GSE1: variants seen among roughly 807,000 people sequenced by gnomAD.
GSE1 encodes genetic suppressor element 1.
A neutral mutation model predicts 112.6 loss-of-function variants in GSE1; 32 were observed. The observed-to-expected ratio is 0.28, with a 90% CI of 0.21 to 0.38. The LOEUF (loss-of-function observed/expected upper bound fraction) is 0.38, where lower values mean the gene tolerates loss of function less well. GSE1 is among the 10% of genes least tolerant of loss of function. The pLI, the probability that GSE1 is intolerant of heterozygous loss-of-function variation, is 1.00. For synonymous variants in GSE1, 1,115 were observed against 735.6 expected, an observed-to-expected ratio of 1.52 and a Z score of -8.35; for missense variants, 2,348 against 1,699.2, an observed-to-expected ratio of 1.38 and a Z score of -6.71.
chr16:85,300,360 G>T (rs373483428), intron 1 of GSE1, among the ~76,000 whole-genome samples: 16 of 152,246 alleles, frequency 1.1e-4, no homozygotes, highest in East Asian at 7.7e-4. Flanking sequence ...GAGTACATTT[G>T]CAGTGCCGTA....
chr16:85,241,499 G>T (rs35268317), intron 1 of GSE1, among the ~76,000 whole-genome samples: 10,417 of 152,262 alleles, frequency 0.068, 750 homozygotes, highest in African/African-American at 0.18. Context: ...GCTGGAGTTG[G>T]TTATTTTTTT....
intron 1 of GSE1, chr16:85,208,025 G>C (rs7203805): frequency 0.11 from 17,413 of 152,026 alleles, 1,367 homozygotes; most frequent in African/African-American, 0.22. Flanking sequence ...AGGAAGTTTG[G>C]GGGGGGTGCC....
chr16:85,170,743 C>T, exon 1 of GSE1: 2 of 985,480 alleles, frequency 2.0e-6, no homozygotes, highest in South Asian at 4.7e-5. Context: ...GCACAGCCCG[C>T]CCCCAGGGGC....
intron 2 of GSE1, among the ~76,000 whole-genome samples, chr16:85,470,734 C>A (rs1250533124): frequency 2.6e-5 from 4 of 152,030 alleles, no homozygotes; most frequent in Non-Finnish European, 5.9e-5. Context: ...CCAGCCCCCG[C>A]CCCCTGCCCA....
At chr16:85,276,643 G>C (rs1172575216) in intron 1 of GSE1, among the ~76,000 whole-genome samples, 1 of 152,228 alleles carries the variant, frequency 6.6e-6, no homozygotes, top group Non-Finnish European at 1.5e-5. Context: ...AAGTGGCCGG[G>C]AAGGGCGTGG....
chr16:85,336,931 C>T (rs1243506003), intron 1 of GSE1, among the ~76,000 whole-genome samples: 1 of 152,248 alleles, frequency 6.6e-6, no homozygotes, highest in Non-Finnish European at 1.5e-5. Flanking sequence ...CACAAATGCA[C>T]ACGCTGACAT....
At chr16:85,189,356 T>G (rs1276775193) in intron 1 of GSE1, among the ~76,000 whole-genome samples, 1 of 152,202 alleles carries the variant, frequency 6.6e-6, no homozygotes, top group Non-Finnish European at 1.5e-5. Flanking sequence ...AGCTAAAATT[T>G]GAATTTTTAC....
chr16:85,573,771 C>T (rs529076056), intron 1 of GSE1, among the ~76,000 whole-genome samples: 1 of 152,334 alleles, frequency 6.6e-6, no homozygotes, highest in Non-Finnish European at 1.5e-5. Context: ...CATTTCTCCT[C>T]CTCCGGCCAC....
At chr16:85,432,972 A>C (rs569905456) in intron 2 of GSE1, among the ~76,000 whole-genome samples, 2 of 152,110 alleles carry the variant, frequency 1.3e-5, no homozygotes, top group Non-Finnish European at 2.9e-5. Context: ...TAGAGCGGTC[A>C]CACTGTGGAT....
chr16:85,507,075 G>A (rs79793282), intron 2 of GSE1, among the ~76,000 whole-genome samples: 10,598 of 152,208 alleles, frequency 0.07, 423 homozygotes, highest in Non-Finnish European at 0.089. Context: ...CGAGCATGTC[G>A]TGGTGACATA....
Position 85,663,049 on chromosome 16 carries a change from T to C in GSE1, c.2329T>C (p.Cys777Arg), listed in dbSNP as rs766226160. 116 of 1,613,154 alleles carry C rather than the reference T, an allele frequency of 7.2e-5. No homozygotes were observed. In the Admixed American group the frequency reaches 1.9e-3, roughly 27 times the overall value. The change falls in exon 10 of 16, where the codon TGC becomes CGC. Residue 777 changes from cysteine to arginine, a missense_variant. Physicochemically the swap from Cys to Arg is radical, Grantham distance 180 (BLOSUM62 -3). Coordinates refer to ENST00000253458, the MANE Select transcript of GSE1 (RefSeq NM_014615.5). ...DEEEVRAHLR[C>R]VAEQPPLKLD... ...GGAGGAGGTCAGGGCCCACCTCCGT[T>C]GCGTGGCCGAGCAGCCGCCCCTCAA...
intron 1 of GSE1, among the ~76,000 whole-genome samples, chr16:85,269,055 G>A (rs74031756): frequency 0.012 from 1,819 of 149,362 alleles, 72 homozygotes; most frequent in African/African-American, 0.041. Context: ...AGTGACCCTG[G>A]GGTGGGCATG....
chr16:85,285,697 A>AAAAAG (rs1555552852), intron 1 of GSE1: 1 of 152,952 alleles, frequency 6.5e-6, no homozygotes, highest in South Asian at 2.1e-4. Flanking sequence ...AAAAAAAAAA[A>AAAAAG]AAAGAAAGAA....
intron 1 of GSE1, among the ~76,000 whole-genome samples, chr16:85,297,315 C>T (rs1260073276): frequency 6.6e-6 from 1 of 150,634 alleles, no homozygotes; most frequent in Non-Finnish European, 1.5e-5. Flanking sequence ...TGAAGTGACT[C>T]GCCGAAGGGT....
Position 85,648,530 on chromosome 16 carries a change from GCCA to G in GSE1, c.227-19_227-17del, listed in dbSNP as rs1202356536. Reference sequence around the variant, plus strand: ...GGCTGTCACTGCGGCTCCCACTCAGGCCACCGTCTTCTCCTCCACAGGGTCCTC... The same window carrying G: ...GGCTGTCACTGCGGCTCCCACTCAGGCCGTCTTCTCCTCCACAGGGTCCTC... On this transcript the variant is annotated intron_variant, in intron 2 of 15. Transcript: ENST00000253458. 1.4e-6 allele frequency: 2 copies of G among 1,398,902 alleles called. No individual in the cohort carries two copies. Among genetic ancestry groups the G allele is most frequent in the African/African-American group, 1.5e-5 (1 of 68,086 alleles). The allele number at this position is 1,398,902 out of a possible 1,614,324, so 86.7% of individuals were successfully genotyped here.
At chr16:85,653,865 G>T (rs1376755624) in intron 3 of GSE1, among the ~76,000 whole-genome samples, 4 of 152,166 alleles carry the variant, frequency 2.6e-5, no homozygotes, top group African/African-American at 4.8e-5. Context: ...CTCGCTTCAC[G>T]GCGTGCTGGG....
intron 2 of GSE1, among the ~76,000 whole-genome samples, chr16:85,542,854 A>G (rs987592673): frequency 1.3e-5 from 2 of 152,222 alleles, no homozygotes; most frequent in African/African-American, 4.8e-5. Flanking sequence ...AGCTGCTGCA[A>G]TACAGGGTAC....
chr16:85,467,093 G>C (rs58256421), intron 2 of GSE1, among the ~76,000 whole-genome samples: 1 of 152,204 alleles, frequency 6.6e-6, no homozygotes, highest in African/African-American at 2.4e-5. Flanking sequence ...AGTGGGGCAG[G>C]GTAGGCGGTA....
At chr16:85,351,455 C>T (rs557208593) in intron 1 of GSE1, among the ~76,000 whole-genome samples, 11 of 151,894 alleles carry the variant, frequency 7.2e-5, no homozygotes, top group African/African-American at 2.7e-4. Flanking sequence ...TTGTATGAAA[C>T]GTCTAGAAGA....
Sources: allele counts gnomAD v4.1 joint callset (sites outside exome capture counted in the v4.1 genomes callset), GRCh38; gene constraint gnomAD v4.1.1; transcripts MANE v1.5; gene names NCBI Gene and HGNC (gene_info 2026-07-23, HGNC 2026-07-21).